CYLC2: variants seen among roughly 807,000 people sequenced by gnomAD.
CYLC2 encodes the protein cylicin-2.
In CYLC2, 30 loss-of-function variants were observed where a neutral mutation model predicts 26.1. The ratio of observed to expected loss-of-function variants is 1.15; its 90% CI spans 0.86 to 1.56. The LOEUF is 1.56. Among genes scored for constraint, CYLC2 ranks in the 40% most tolerant of loss-of-function variants. The pLI is 0.00. For synonymous variants in CYLC2, 158 were observed against 132.8 expected, an observed-to-expected ratio of 1.19 and a Z score of -1.31; for missense variants, 498 against 394.4, an observed-to-expected ratio of 1.26 and a Z score of -2.23.
At chr9:103,009,745 C>A (rs1462310884) in intron 5 of CYLC2, among the ~76,000 whole-genome samples, 1 of 151,978 alleles carries the variant, frequency 6.6e-6, no homozygotes, top group Non-Finnish European at 1.5e-5. Context: ...TGATAACCAT[C>A]CTTTTACCCT....
intron 5 of CYLC2, among the ~76,000 whole-genome samples, chr9:103,008,141 CCT>C (rs1317701995): frequency 1.4e-5 from 2 of 145,664 alleles, no homozygotes; most frequent in African/African-American, 2.6e-5. Flanking sequence ...CATTTCAAAT[CCT>C]CTTTTTCCTC....
chr9:102,995,858 C>A (rs1158399868), intron 1 of CYLC2, among the ~76,000 whole-genome samples: 1 of 151,734 alleles, frequency 6.6e-6, no homozygotes, highest in Non-Finnish European at 1.5e-5. Flanking sequence ...CCAAATGTGA[C>A]CAACTGAATA....
At chr9:103,011,287 C>T (rs146351877) in intron 5 of CYLC2, among the ~76,000 whole-genome samples, 1 of 151,850 alleles carries the variant, frequency 6.6e-6, no homozygotes, top group Non-Finnish European at 1.5e-5. Flanking sequence ...ATTTTTTACC[C>T]CCCTTCATTT....
At position 103,001,620 on chromosome 9, in the gene CYLC2, TA is replaced by T; in HGVS notation, c.58+4del. 1 of 1,552,890 alleles carries T rather than the reference TA, an allele frequency of 6.4e-7. No individual in the cohort carries two copies. The highest frequency in any genetic ancestry group is 8.9e-7 in the Non-Finnish European group (1 of 1,128,218). ...GGCCATATGATAATTACATTCCAGG[TA>T]AGAAAGCATTCAATATTTATTACAA... On this transcript the variant is annotated splice_donor_region_variant and intron_variant, in intron 2 of 7. Transcript: ENST00000374798.
chr9:103,015,275 ATATAT>A (rs1355835439), intron 6 of CYLC2, among the ~76,000 whole-genome samples: 2 of 115,544 alleles, frequency 1.7e-5, no homozygotes, highest in East Asian at 2.3e-4. Context: ...ACATATATTT[ATATAT>A]TATATAATAT....
chr9:102,995,894 T>C (rs1300846732), intron 1 of CYLC2, among the ~76,000 whole-genome samples: 1 of 151,832 alleles, frequency 6.6e-6, no homozygotes, highest in Non-Finnish European at 1.5e-5. Flanking sequence ...TTGCAAAATA[T>C]TGAGTATGTG....
chr9:103,013,344 TA>T (rs376481603), intron 6 of CYLC2, among the ~76,000 whole-genome samples: 34,017 of 68,166 alleles, frequency 0.5, 7,571 homozygotes, highest in South Asian at 0.61. Flanking sequence ...ATATATTATA[TA>T]AATATATATT....
chr9:103,002,320 A>G (rs1406072128), intron 2 of CYLC2, among the ~76,000 whole-genome samples: 2 of 148,896 alleles, frequency 1.3e-5, no homozygotes, highest in East Asian at 3.9e-4. Flanking sequence ...TATGTCACCT[A>G]TAACGATACC....
intron 2 of CYLC2, 21 bp from the exon 3 acceptor site, chr9:103,003,121 T>A (rs373684211): frequency 5.6e-6 from 9 of 1,612,462 alleles, no homozygotes; most frequent in Non-Finnish European, 7.6e-6. Context: ...CAAAATGTGT[T>A]TTTTGTCTCC....
intron 2 of CYLC2, 69 bp downstream of exon 2, chr9:103,001,687 T>A: frequency 1.0e-6 from 1 of 986,148 alleles, no homozygotes; most frequent in Non-Finnish European, 1.5e-6. Context: ...TATCCTCTAT[T>A]CAAAGTGATA....
chr9:102,996,195 C>A (rs12156626), intron 1 of CYLC2, among the ~76,000 whole-genome samples: 32,293 of 151,582 alleles, frequency 0.21, 3,707 homozygotes, highest in East Asian at 0.37. Context: ...ATAAAACAAT[C>A]ATTAAAGTAT....
At chr9:103,009,839 TTA>T (rs537278996) in intron 5 of CYLC2, among the ~76,000 whole-genome samples, 38 of 151,700 alleles carry the variant, frequency 2.5e-4, no homozygotes, top group African/African-American at 8.9e-4. Flanking sequence ...GCCAACACTT[TTA>T]TCTTTGTAAT....
In CYLC2 at chr9:103,004,862, C is replaced by T. The variant is rs560962956; in HGVS notation, c.337+11C>T. The T allele has an allele frequency of 2.6e-5, 41 of 1,603,938 alleles. No homozygotes were observed. In the South Asian group the frequency reaches 4.6e-4, roughly 18 times the overall value. ...ATTCTAAAGCAGCAGGTAGAGATAACTTACTGTTTTTATAGTATCTCTGTA... is the reference window on the plus strand; with the variant it reads ...ATTCTAAAGCAGCAGGTAGAGATAATTTACTGTTTTTATAGTATCTCTGTA... On this transcript the variant is annotated intron_variant, in intron 4 of 7. Transcript: ENST00000374798.
intron 6 of CYLC2, 76 bp from the exon 7 acceptor site, chr9:103,016,812 G>C (rs1173390784): frequency 6.6e-6 from 1 of 152,012 alleles, no homozygotes; most frequent in Non-Finnish European, 1.5e-5. Flanking sequence ...AGGCCCCAGT[G>C]CATAGCACAT....
At chr9:103,004,907 A>G in intron 4 of CYLC2, 56 bp downstream of exon 4, 1 of 1,574,332 alleles carries the variant, frequency 6.4e-7, no homozygotes, top group Non-Finnish European at 8.6e-7. Context: ...TTAGATTTCT[A>G]TTAGAATTTT....
chr9:103,010,217 G>C (rs868371349), intron 5 of CYLC2, among the ~76,000 whole-genome samples: 5 of 151,936 alleles, frequency 3.3e-5, no homozygotes, highest in African/African-American at 9.7e-5. Context: ...CAAGTGAAAA[G>C]TTTTATACCA....
chr9:102,999,627 C>T (rs1316092495), intron 1 of CYLC2, among the ~76,000 whole-genome samples: 1 of 151,296 alleles, frequency 6.6e-6, no homozygotes, highest in African/African-American at 2.4e-5. Context: ...TTCTATCAAT[C>T]TGTGGGCTAT....
Position 103,005,075 on chromosome 9 carries a change from G to A in CYLC2, c.444G>A (p.Glu148=), listed in dbSNP as rs147375715. ...KKDSKKGKDI[E]KGKEEKLDAK... ...ATTCAAAGAAAGGCAAGGATATAGA[G>A]AAAGGAAAAGAAGAAAAGCTAGATG... The change falls in exon 5 of 8, where the codon GAG becomes GAA. Residue 148 remains glutamate, a synonymous_variant. Transcript: ENST00000374798. 1.1e-5 allele frequency: 17 copies of A among 1,605,926 alleles called. No homozygotes were observed. The highest frequency in any genetic ancestry group is 1.4e-5 in the Non-Finnish European group (16 of 1,177,280).
chr9:103,014,731 CGT>C lies in CYLC2; in HGVS notation c.*817-2156_*817-2155del, dbSNP rs1323658229. ...TTATGCAATATACATATGTAATATA[CGT>C]ATGTATATTATGCAATATACATATG... On this transcript the variant is annotated intron_variant, in intron 6 of 7. Transcript: ENST00000374798. Among the ~76,000 whole-genome samples, 129 of 90,924 alleles carry C rather than the reference CGT, an allele frequency of 1.4e-3. 1 individual carries two copies. Among genetic ancestry groups the C allele is most frequent in the Admixed American group, 2.2e-3 (15 of 6,878 alleles). The allele number at this position is 90,924 out of a possible 152,430, so 59.6% of individuals were successfully genotyped here.
Sources: gnomAD v4.1 joint callset for allele counts (sites outside exome capture counted in the v4.1 genomes callset) on GRCh38, gnomAD v4.1.1 for gene constraint, MANE v1.5 for transcripts, NCBI Gene and HGNC (gene_info 2026-07-23, HGNC 2026-07-21) for gene names.